The following NAALADL2 variants were observed in gnomAD, a reference collection of about 807,000 sequenced individuals.
The protein encoded by NAALADL2 is N-acetylated alpha-linked acidic dipeptidase like 2, also known as inactive N-acetylated-alpha-linked acidic dipeptidase-like protein 2.
In NAALADL2, 76 loss-of-function variants were observed where a neutral mutation model predicts 87.2. The ratio of observed to expected loss-of-function variants is 0.87; its 90% CI spans 0.72 to 1.05. The LOEUF (loss-of-function observed/expected upper bound fraction) is 1.05, where lower values mean the gene tolerates loss of function less well. Among genes scored for constraint, NAALADL2 ranks in the 50% least tolerant of loss-of-function variants. The pLI, the probability that NAALADL2 is intolerant of heterozygous loss-of-function variation, is 0.00. For synonymous variants in NAALADL2, 354 were observed against 331.0 expected, an observed-to-expected ratio of 1.07 and a Z score of -0.75; for missense variants, 1,089 against 945.8, an observed-to-expected ratio of 1.15 and a Z score of -1.99.
At chr3:175,327,148 C>CTCTTTTTT (rs1760811308) in intron 5 of NAALADL2, among the ~76,000 whole-genome samples, 1 of 99,514 alleles carries the variant, frequency 1.0e-5, no homozygotes, top group African/African-American at 4.2e-5. Context: ...GTCTACATTT[C>CTCTTTTTT]TTTTTTTTTT....
Position 175,804,729 on chromosome 3 carries a change from A to C in NAALADL2, c.*1526A>C, listed in dbSNP as rs971128116. 5 of 151,800 alleles carry C rather than the reference A, an allele frequency of 3.3e-5. No individual in the cohort carries two copies. Among genetic ancestry groups the C allele is most frequent in the African/African-American group, 1.2e-4 (5 of 41,384 alleles). 9.4% of individuals were successfully genotyped at this position (151,800 alleles called of 1,614,324 possible). ...CTAGTCTTAGTTTAAAGGCAAACTA[A>C]AGTTGAGGGGAAATAATTAATCAAT... On this transcript the variant is annotated 3_prime_UTR_variant, in exon 14 of 14. Transcript: ENST00000454872.
intron 4 of NAALADL2, among the ~76,000 whole-genome samples, chr3:175,270,460 T>C (rs1323846496): frequency 2.0e-5 from 3 of 152,190 alleles, no homozygotes; most frequent in Non-Finnish European, 4.4e-5. Flanking sequence ...CAGGGAGACA[T>C]AGCCTCAGGC....
At chr3:174,769,345 A>G (rs1449947346) in intron 3 of NAALADL2, among the ~76,000 whole-genome samples, 1 of 151,994 alleles carries the variant, frequency 6.6e-6, no homozygotes, top group East Asian at 1.9e-4. Flanking sequence ...TAAAGGTTAA[A>G]TCTTAGTCAT....
At chr3:175,303,847 T>C (rs755182730) in intron 4 of NAALADL2, among the ~76,000 whole-genome samples, 3 of 152,176 alleles carry the variant, frequency 2.0e-5, no homozygotes, top group Non-Finnish European at 2.9e-5. Context: ...ATTTACCAAT[T>C]GCCTTACATT....
chr3:174,793,459 G>T (rs1392410035), intron 3 of NAALADL2, among the ~76,000 whole-genome samples: 1 of 152,056 alleles, frequency 6.6e-6, no homozygotes, highest in Admixed American at 6.6e-5. Flanking sequence ...ATACTATGTG[G>T]TATACACCGG....
intron 2 of NAALADL2, among the ~76,000 whole-genome samples, chr3:175,209,151 A>G (rs983100099): frequency 1.3e-5 from 2 of 152,174 alleles, no homozygotes; most frequent in African/African-American, 2.4e-5. Flanking sequence ...AACGTAAAAT[A>G]AAACATGTCG....
chr3:175,215,598 A>T (rs1388403054), intron 2 of NAALADL2, among the ~76,000 whole-genome samples: 1 of 152,120 alleles, frequency 6.6e-6, no homozygotes, highest in Non-Finnish European at 1.5e-5. Flanking sequence ...CTGTTTGAGG[A>T]TCCTGGCCTC....
chr3:174,744,567 A>T (rs1219563147), intron 3 of NAALADL2, among the ~76,000 whole-genome samples: 1 of 152,124 alleles, frequency 6.6e-6, no homozygotes, highest in East Asian at 1.9e-4. Context: ...AAGGATATTC[A>T]GAACTTGAAC....
intron 3 of NAALADL2, among the ~76,000 whole-genome samples, chr3:175,243,330 A>ACACACACG (rs978274365): frequency 1.3e-5 from 2 of 150,852 alleles, no homozygotes; most frequent in Non-Finnish European, 3.0e-5. Flanking sequence ...AAACACACAC[A>ACACACACG]CACACACACA....
At chr3:175,525,790 C>T (rs1733320938) in intron 9 of NAALADL2, among the ~76,000 whole-genome samples, 1 of 152,052 alleles carries the variant, frequency 6.6e-6, no homozygotes. Flanking sequence ...TTTCTTCTTA[C>T]ATTGTGGTAT....
intron 11 of NAALADL2, among the ~76,000 whole-genome samples, chr3:175,717,295 CA>C (rs1181884442): frequency 6.6e-6 from 1 of 152,148 alleles, no homozygotes; most frequent in Non-Finnish European, 1.5e-5. Flanking sequence ...ATGACCTGGG[CA>C]CAAGATTTTG....
intron 1 of NAALADL2, among the ~76,000 whole-genome samples, chr3:174,989,812 G>C (rs1439819203): frequency 6.6e-6 from 1 of 152,128 alleles, no homozygotes; most frequent in Non-Finnish European, 1.5e-5. Context: ...TATGGATATA[G>C]AAGAACCAGG....
intron 9 of NAALADL2, among the ~76,000 whole-genome samples, chr3:175,493,031 C>A (rs1728321020): frequency 6.6e-6 from 1 of 151,894 alleles, no homozygotes; most frequent in African/African-American, 2.4e-5. Flanking sequence ...TGTTAATGTG[C>A]ATAACTTATG....
rs1344783072 is a variant in NAALADL2, at chr3:175,447,349, G to A, written c.1211G>A (p.Ser404Asn). 3 of 1,573,972 alleles carry A rather than the reference G, an allele frequency of 1.9e-6. No homozygotes were observed. Among genetic ancestry groups the A allele is most frequent in the Admixed American group, 4.0e-5 (2 of 50,096 alleles). Residue 404 changes from serine to asparagine, a missense_variant, in exon 6 of 14, where the codon AGC becomes AAC. Physicochemically the swap from Ser to Asn is conservative, Grantham distance 46 (BLOSUM62 1). Transcript: ENST00000454872. ...PKARTKNEAC[S>N]SLELPNNEIR... ...GCTAGAACCAAAAATGAAGCGTGTA[G>A]CTCTCTAGAGCTTCCAAATAATGGT... is the stretch of plus-strand genomic sequence containing the variant.
intron 2 of NAALADL2, among the ~76,000 whole-genome samples, chr3:174,581,864 A>T (rs1716200254): frequency 6.6e-6 from 1 of 152,206 alleles, no homozygotes; most frequent in Non-Finnish European, 1.5e-5. Context: ...AAAAGTCAGT[A>T]TGGTGGATAC....
intron 3 of NAALADL2, among the ~76,000 whole-genome samples, chr3:174,772,612 C>T (rs940768400): frequency 6.6e-6 from 1 of 152,104 alleles, no homozygotes; most frequent in Non-Finnish European, 1.5e-5. Flanking sequence ...AATTACATGA[C>T]TTAAAACATC....
At chr3:175,596,272 A>T (rs1481380576) in intron 10 of NAALADL2, among the ~76,000 whole-genome samples, 1 of 151,996 alleles carries the variant, frequency 6.6e-6, no homozygotes, top group Non-Finnish European at 1.5e-5. Context: ...ATTGGTCATC[A>T]TAGAAAATAG....
At chr3:175,370,634 G>A (rs1052534388) in intron 5 of NAALADL2, among the ~76,000 whole-genome samples, 1 of 152,160 alleles carries the variant, frequency 6.6e-6, no homozygotes, top group Non-Finnish European at 1.5e-5. Context: ...GTAGCTTTGA[G>A]AGGTCCTTTA....
intron 4 of NAALADL2, among the ~76,000 whole-genome samples, chr3:175,302,295 G>A (rs944158097): frequency 1.3e-5 from 2 of 152,030 alleles, no homozygotes; most frequent in African/African-American, 2.4e-5. Context: ...ATAAATCCAC[G>A]GCAAACATTT....
Sources: gnomAD v4.1 joint callset for allele counts (sites outside exome capture counted in the v4.1 genomes callset) on GRCh38, gnomAD v4.1.1 for gene constraint, MANE v1.5 for transcripts, NCBI Gene and HGNC (gene_info 2026-07-23, HGNC 2026-07-21) for gene names.